DGKD: variants seen among roughly 807,000 people sequenced by gnomAD.
DGKD encodes diacylglycerol kinase delta, also known as DAG kinase delta.
In DGKD, 68 loss-of-function variants were observed where a neutral mutation model predicts 154.4. The ratio of observed to expected loss-of-function variants is 0.44; its 90% CI spans 0.36 to 0.54. The LOEUF (loss-of-function observed/expected upper bound fraction) is 0.54, where lower values mean the gene tolerates loss of function less well. Among genes scored for constraint, DGKD ranks in the 20% least tolerant of loss-of-function variants. DGKD has a pLI of 0.00. For synonymous variants in DGKD, 693 were observed against 638.0 expected (o/e 1.09, Z -1.30); for missense variants, 1,343 against 1,593.6 (o/e 0.84, Z 2.68).
chr2:233,429,838 C>G (rs373130923), intron 3 of DGKD, among the ~76,000 whole-genome samples: 1 of 152,250 alleles, frequency 6.6e-6, no homozygotes, highest in Non-Finnish European at 1.5e-5. Flanking sequence ...CCCAGGTGTT[C>G]TTCTCCCACC....
intron 1 of DGKD, among the ~76,000 whole-genome samples, chr2:233,364,841 C>T (rs772953860): frequency 1.3e-5 from 2 of 151,916 alleles, no homozygotes; most frequent in East Asian, 1.9e-4. Context: ...AGATGGGATA[C>T]AAAAGCAAAT....
chr2:233,428,276 C>A (rs2062382361), intron 3 of DGKD, among the ~76,000 whole-genome samples: 1 of 152,122 alleles, frequency 6.6e-6, no homozygotes, highest in Non-Finnish European at 1.5e-5. Context: ...CAGCTGGGGA[C>A]CGACATAGAG....
intron 16 of DGKD, among the ~76,000 whole-genome samples, chr2:233,450,600 C>T (rs1024170765): frequency 1.3e-5 from 2 of 152,176 alleles, no homozygotes; most frequent in African/African-American, 2.4e-5. Context: ...TCAGAACTGA[C>T]CCATGGCCAC....
intron 1 of DGKD, among the ~76,000 whole-genome samples, chr2:233,367,855 T>C (rs1451788496): frequency 2.8e-4 from 13 of 46,064 alleles, no homozygotes; most frequent in South Asian, 6.1e-4. Flanking sequence ...TTTTTTCTTT[T>C]TTTTTTTTTT....
In DGKD at chr2:233,445,574, C is replaced by T; in HGVS notation, c.1195-49C>T. 3 of 1,539,126 alleles carry T rather than the reference C, an allele frequency of 1.9e-6. No individual in the cohort carries two copies. The highest frequency in any genetic ancestry group is 1.3e-5 in the South Asian group (1 of 78,970). ...AGGAGGGCTGCGGGCTGGGAAGTGG[C>T]CCCTGCCCCCAGGTGTTTGCCTGCG... On this transcript the variant is annotated intron_variant, in intron 10 of 29. Transcript: ENST00000264057. The surrounding 1 kb of genome is among the most constrained non-coding windows in gnomAD (Gnocchi z 5.5).
intron 24 of DGKD, among the ~76,000 whole-genome samples, chr2:233,460,810 C>T (rs1381499229): frequency 1.3e-5 from 2 of 152,018 alleles, no homozygotes; most frequent in Non-Finnish European, 2.9e-5. Flanking sequence ...CAGAATCAGT[C>T]GAACCCCAGA....
chr2:233,407,515 C>T (rs1386854431), intron 3 of DGKD, among the ~76,000 whole-genome samples: 1 of 152,150 alleles, frequency 6.6e-6, no homozygotes, highest in Non-Finnish European at 1.5e-5. Context: ...CCTGTAATCC[C>T]AGCATTTTGG....
intron 1 of DGKD, among the ~76,000 whole-genome samples, chr2:233,360,835 A>G (rs1472866910): frequency 6.6e-6 from 1 of 152,220 alleles, no homozygotes; most frequent in Non-Finnish European, 1.5e-5. Flanking sequence ...CGGAGATTAG[A>G]GTTCGTTGAT....
intron 3 of DGKD, among the ~76,000 whole-genome samples, chr2:233,409,594 T>A (rs541067839): frequency 1.3e-5 from 2 of 152,192 alleles, no homozygotes; most frequent in African/African-American, 4.8e-5. Context: ...CGTCCCAGAA[T>A]AACCTGGTGT....
At position 233,360,401 on chromosome 2, in the gene DGKD, C is replaced by T. The variant is rs552349395; in HGVS notation, c.156+5727C>T. ...GAGTAGCTGGGACTCCAGATGCATT[C>T]CATGATGCCTGGCTAATTTAAAAAC... is the stretch of plus-strand genomic sequence containing the variant. On this transcript the variant is annotated intron_variant, in intron 1 of 29. Transcript: ENST00000264057. Among the ~76,000 whole-genome samples the T allele has an allele frequency of 1.5e-3, 223 of 152,226 alleles. 3 individuals carry two copies. The highest frequency in any genetic ancestry group is 5.1e-3 in the African/African-American group (212 of 41,532).
rs374022658 is a variant in DGKD at position 233,457,348 on chromosome 2, G to T, written c.2580+20G>T. ...GATGATGTATGTATGGGGTGTGAGC[G>T]GGTGGGCCTGAGCTCAGTGGGGAAG... On this transcript the variant is annotated intron_variant, in intron 21 of 29. Transcript: ENST00000264057. This position sits in a 1 kb window ranked among gnomAD's most constrained non-coding sequence, Gnocchi z 5.5. The T allele has an allele frequency of 6.5e-7, 1 of 1,546,300 alleles. No homozygotes were observed. The highest frequency in any genetic ancestry group is 1.4e-5 in the African/African-American group (1 of 73,630).
chr2:233,437,387 C>T lies in DGKD; in HGVS notation c.830C>T (p.Ser277Leu), dbSNP rs746365249. 52 of 1,614,116 alleles carry T rather than the reference C, an allele frequency of 3.2e-5. No homozygotes were observed. The East Asian group carries it at 7.1e-4, about 22-fold the overall frequency. Residue 277 changes from serine to leucine, a missense_variant, in exon 8 of 30, where the codon TCG becomes TTG. Ser to Leu is a moderately radical substitution (Grantham distance 145). This residue lies in a region of DGKD where 332 missense variants were observed against 400.1 expected (regional missense o/e 0.83). Transcript: ENST00000264057. ...GGACTCTTGTTTCAGGTTCACACAT[C>T]GTGTAAAGAATCCTTGCTGACCAAG... is the stretch of plus-strand genomic sequence containing the variant. ...CLWCKAMVHTSCKESLLTKCP... is the reference protein window; with the variant it reads ...CLWCKAMVHTLCKESLLTKCP...
intron 9 of DGKD, among the ~76,000 whole-genome samples, chr2:233,439,753 G>A (rs1249949410): frequency 6.6e-6 from 1 of 151,722 alleles, no homozygotes; most frequent in African/African-American, 2.4e-5. Context: ...GTTTTGTTGA[G>A]CCTCACAAAA....
At chr2:233,456,875 G>T in intron 19 of DGKD, 24 bp from the exon 20 acceptor site, 1 of 1,591,252 alleles carries the variant, frequency 6.3e-7, no homozygotes, top group Non-Finnish European at 8.6e-7. Context: ...CAGACCTATG[G>T]CAAGTCTTTG....
At chr2:233,410,784 TTC>T (rs555260837) in intron 3 of DGKD, among the ~76,000 whole-genome samples, 217 of 151,350 alleles carry the variant, frequency 1.4e-3, no homozygotes, top group Non-Finnish European at 2.2e-3. Flanking sequence ...CACACACACT[TTC>T]TCTCTCTCTC....
chr2:233,459,992 GA>G lies in DGKD; in HGVS notation c.2829+102del. 6.9e-7 allele frequency: 1 copy of G among 1,450,026 alleles called. No homozygotes were observed. Among genetic ancestry groups the G allele is most frequent in the African/African-American group, 1.5e-5 (1 of 67,652 alleles). 89.8% of individuals were successfully genotyped at this position (1,450,026 alleles called of 1,614,324 possible). ...TGGAGCTTTTTGTGTTTTGTTCTAG[GA>G]TTTTTTTTTTTTTTAAGACACAATG... On this transcript the variant is annotated intron_variant, in intron 23 of 29. Transcript: ENST00000264057. The surrounding 1 kb of genome is among the most constrained non-coding windows in gnomAD (Gnocchi z 5.7).
At chr2:233,406,629 T>C (rs2125500046) in intron 3 of DGKD, among the ~76,000 whole-genome samples, 1 of 152,344 alleles carries the variant, frequency 6.6e-6, no homozygotes. Context: ...GATATGACTA[T>C]ATTGTATTAA....
intron 2 of DGKD, among the ~76,000 whole-genome samples, chr2:233,390,165 GT>G (rs1183901473): frequency 6.6e-6 from 1 of 152,120 alleles, no homozygotes; most frequent in Non-Finnish European, 1.5e-5. Flanking sequence ...CAATGACAAT[GT>G]TTGTAGATTT....
rs1457784700 is a variant in DGKD, at chr2:233,450,948, A to T, written c.2065A>T (p.Ile689Phe). The change falls in exon 17 of 30, where the codon ATC becomes TTC. Residue 689 changes from isoleucine (I) to phenylalanine (F), a missense_variant. By Grantham distance (21) the Ile-to-Phe change is conservative (BLOSUM62 0). Coordinates refer to ENST00000264057, the MANE Select transcript of DGKD (RefSeq NM_152879.3). ...GTCGAAATCTCCGTGTGAAAAGCTG[A>T]TCAGCAAAGGGAGTCTGTCCCTAGG... is the stretch of plus-strand genomic sequence containing the variant. Reference protein sequence around the residue: ...KVSKSPCEKLISKGSLSLGSS... With the variant: ...KVSKSPCEKLFSKGSLSLGSS... 2 of 1,608,034 alleles carry T rather than the reference A, an allele frequency of 1.2e-6. No homozygotes were observed. The highest frequency in any genetic ancestry group is 2.7e-5 in the African/African-American group (2 of 74,830).
Sources: allele counts gnomAD v4.1 joint callset (sites outside exome capture counted in the v4.1 genomes callset), GRCh38; gene constraint gnomAD v4.1.1; regional missense constraint gnomAD v4.1.1; non-coding constraint Gnocchi (gnomAD v3.1); transcripts MANE v1.5; gene names NCBI Gene and HGNC (gene_info 2026-07-23, HGNC 2026-07-21).